Variants in TENM2 observed in about 807,000 individuals in gnomAD.
The protein encoded by TENM2 is teneurin-2.
TENM2 carries 52 observed loss-of-function variants against 245.2 expected under a neutral mutation model. That is an observed-to-expected ratio of 0.21 (90% CI 0.17 to 0.27). The LOEUF is 0.27. Among genes scored for constraint, TENM2 ranks in the 10% least tolerant of loss-of-function variants. The probability of loss-of-function intolerance (pLI) is 1.00; values close to 1 mark genes in which losing one functional copy is unlikely to be tolerated. For synonymous variants in TENM2, 1,363 were observed against 1,438.9 expected (o/e 0.95, Z 1.19); for missense variants, 3,046 against 3,666.8 (o/e 0.83, Z 4.37).
At chr5:167,113,549 G>T in the TENM2 span, among the ~76,000 whole-genome samples, 1 of 151,604 alleles carries the variant, frequency 6.6e-6, no homozygotes, top group Non-Finnish European at 1.5e-5. Flanking sequence ...AGGCTGAGAT[G>T]GGAGGATTAC....
At chr5:167,101,849 T>TTATATATATATATA in the TENM2 span, among the ~76,000 whole-genome samples, 1,256 of 69,252 alleles carry the variant, frequency 0.018, 48 homozygotes, top group Non-Finnish European at 0.024. Context: ...ATATATATAT[T>TTATATATATATATA]TATATATATA....
chr5:167,112,507 T>C, the TENM2 span, among the ~76,000 whole-genome samples: 1 of 152,196 alleles, frequency 6.6e-6, no homozygotes, highest in Non-Finnish European at 1.5e-5. Context: ...GTCTTGAGAA[T>C]AAGTTGAAAT....
intron 13 of TENM2, among the ~76,000 whole-genome samples, chr5:168,170,016 T>C (rs1374342751): frequency 6.6e-6 from 1 of 152,154 alleles, no homozygotes; most frequent in Admixed American, 6.5e-5. Context: ...GTCTCTCTTC[T>C]TTAGGAGGGA....
At chr5:167,442,602 A>G (rs1040561278) in intron 2 of TENM2, among the ~76,000 whole-genome samples, 1 of 152,146 alleles carries the variant, frequency 6.6e-6, no homozygotes. Flanking sequence ...AATCCTTTTA[A>G]CTAGTATTTC....
intron 7 of TENM2, among the ~76,000 whole-genome samples, chr5:168,082,423 C>A (rs1232208049): frequency 2.0e-5 from 3 of 152,182 alleles, no homozygotes; most frequent in Non-Finnish European, 2.9e-5. Context: ...TCATCTGAAG[C>A]CTTCTTCTCT....
chr5:167,211,215 G>A, the TENM2 span, among the ~76,000 whole-genome samples: 1 of 152,134 alleles, frequency 6.6e-6, no homozygotes, highest in African/African-American at 2.4e-5. Flanking sequence ...GAATCACAGT[G>A]ACTATCGTGG....
chr5:167,133,091 G>A, the TENM2 span, among the ~76,000 whole-genome samples: 2 of 152,128 alleles, frequency 1.3e-5, no homozygotes, highest in African/African-American at 4.8e-5. Flanking sequence ...CACAGCACAA[G>A]GCCAAATGGA....
the TENM2 span, among the ~76,000 whole-genome samples, chr5:167,269,344 C>CA: frequency 6.6e-6 from 1 of 152,046 alleles, no homozygotes; most frequent in African/African-American, 2.4e-5. Context: ...TCTGTGCCAG[C>CA]TACTGGAGAT....
chr5:168,126,848 C>T (rs747088134), exon 12 of TENM2: 57 of 1,610,554 alleles, frequency 3.5e-5, no homozygotes, highest in Admixed American at 1.0e-4. Context: ...GTGACCAGCG[C>T]GTGTGCCACC....
At chr5:166,988,218 C>T in the TENM2 span, among the ~76,000 whole-genome samples, 13 of 152,270 alleles carry the variant, frequency 8.5e-5, no homozygotes, top group African/African-American at 2.9e-4. Flanking sequence ...ATGTACATAT[C>T]TCAATTCCAG....
intron 8 of TENM2, 136 bp downstream of exon 10, chr5:168,090,905 A>G (rs181121099): frequency 4.9e-5 from 35 of 719,972 alleles, no homozygotes; most frequent in Non-Finnish European, 3.3e-5. Flanking sequence ...TTTAGGCCTT[A>G]TAGTGTCACC....
the TENM2 span, among the ~76,000 whole-genome samples, chr5:167,057,773 T>A: frequency 6.6e-6 from 1 of 152,156 alleles, no homozygotes; most frequent in Non-Finnish European, 1.5e-5. Context: ...CTGGTGTATT[T>A]CAAAATAGTT....
the TENM2 span, among the ~76,000 whole-genome samples, chr5:167,189,723 T>C: frequency 6.6e-6 from 1 of 151,968 alleles, no homozygotes; most frequent in East Asian, 1.9e-4. Context: ...TGCCAGCCAC[T>C]GCACCCAGCT....
At chr5:168,158,681 G>A (rs1757410198) in intron 12 of TENM2, among the ~76,000 whole-genome samples, 1 of 150,466 alleles carries the variant, frequency 6.6e-6, no homozygotes, top group Non-Finnish European at 1.5e-5. Flanking sequence ...ACTGGGCACG[G>A]TGGCTCATGC....
chr5:167,238,694 CAA>C, the TENM2 span, among the ~76,000 whole-genome samples: 50 of 58,078 alleles, frequency 8.6e-4, no homozygotes, highest in South Asian at 8.1e-3. Context: ...ACAGGAGATG[CAA>C]AAAAAAAAAA....
upstream of TENM2, among the ~76,000 whole-genome samples, chr5:167,283,974 C>T (rs7726366): frequency 1.0e-3 from 154 of 149,844 alleles, no homozygotes; most frequent in African/African-American, 3.3e-3. Context: ...TTTTTTTTTT[C>T]GGTTCTATAG....
At chr5:167,023,548 G>A in the TENM2 span, among the ~76,000 whole-genome samples, 1 of 152,152 alleles carries the variant, frequency 6.6e-6, no homozygotes, top group African/African-American at 2.4e-5. Flanking sequence ...AAGGTAAAAT[G>A]CATCTAATAA....
chr5:167,701,276 A>C (rs1282848019), intron 2 of TENM2, among the ~76,000 whole-genome samples: 1 of 152,200 alleles, frequency 6.6e-6, no homozygotes, highest in Admixed American at 6.5e-5. Context: ...TCACAGTTAA[A>C]TGAGGCACCT....
chr5:167,647,622 CA>C (rs566480088), intron 2 of TENM2, among the ~76,000 whole-genome samples: 3 of 149,496 alleles, frequency 2.0e-5, no homozygotes, highest in South Asian at 2.1e-4. Flanking sequence ...GACTTAGTCT[CA>C]AAAAAAAAGA....
Sources: gnomAD v4.1 joint callset for allele counts (sites outside exome capture counted in the v4.1 genomes callset) on GRCh38, gnomAD v4.1.1 for gene constraint, MANE v1.5 for transcripts, NCBI Gene and HGNC (gene_info 2026-07-23, HGNC 2026-07-21) for gene names.